Variants in MBD5 observed in about 807,000 individuals in gnomAD.
MBD5 encodes the protein methyl-CpG-binding domain protein 5.
Under a neutral mutation model 117.3 loss-of-function variants are expected in MBD5, and 13 were observed. The ratio of observed to expected loss-of-function variants is 0.11; its 90% CI spans 0.07 to 0.18. MBD5 has a LOEUF of 0.18. Ranked by LOEUF, MBD5 falls within the 10% of genes least tolerant of loss-of-function variation. The pLI, the probability that MBD5 is intolerant of heterozygous loss-of-function variation, is 1.00. For missense variants in MBD5, 1,879 were observed against 2,093.8 expected (o/e 0.90, Z 2.00); for synonymous variants, 727 against 766.4 (o/e 0.95, Z 0.85).
intron 4 of MBD5, among the ~76,000 whole-genome samples, chr2:148,367,130 A>G (rs1703724140): frequency 6.6e-6 from 1 of 152,328 alleles, no homozygotes; most frequent in East Asian, 1.9e-4. Flanking sequence ...CAAAACAGAT[A>G]TATAGACCAA....
At chr2:148,321,757 C>T (rs1702287503) in intron 3 of MBD5, among the ~76,000 whole-genome samples, 1 of 151,782 alleles carries the variant, frequency 6.6e-6, no homozygotes, top group African/African-American at 2.4e-5. Flanking sequence ...ATTAAAATCC[C>T]AACTCTTTTT....
At chr2:148,203,691 T>G (rs1699200475) in intron 2 of MBD5, among the ~76,000 whole-genome samples, 3 of 152,214 alleles carry the variant, frequency 2.0e-5, no homozygotes. Flanking sequence ...GAGGATGGCT[T>G]GTCTGTGGAT....
chr2:148,171,789 A>C (rs1698270404), intron 1 of MBD5, among the ~76,000 whole-genome samples: 1 of 152,254 alleles, frequency 6.6e-6, no homozygotes, highest in African/African-American at 2.4e-5. Flanking sequence ...AAAAATCAAC[A>C]TACAAAAATC....
At chr2:148,115,018 C>A (rs1233773125) in intron 1 of MBD5, among the ~76,000 whole-genome samples, 1 of 151,970 alleles carries the variant, frequency 6.6e-6, no homozygotes, top group African/African-American at 2.4e-5. Context: ...TCTGCATATA[C>A]ATACATATAT....
At chr2:148,165,821 G>A (rs1239794671) in intron 1 of MBD5, among the ~76,000 whole-genome samples, 4 of 152,096 alleles carry the variant, frequency 2.6e-5, no homozygotes, top group African/African-American at 7.2e-5. Context: ...GTTTTAAGTA[G>A]TATTTGAGAC....
intron 3 of MBD5, among the ~76,000 whole-genome samples, chr2:148,284,853 A>G (rs184365999): frequency 3.3e-5 from 5 of 152,338 alleles, no homozygotes; most frequent in Middle Eastern, 3.4e-3. Flanking sequence ...AATAGTAAAT[A>G]TATTTTTAAT....
At chr2:148,043,431 C>T (rs1218172687) in intron 1 of MBD5, among the ~76,000 whole-genome samples, 2 of 143,710 alleles carry the variant, frequency 1.4e-5, no homozygotes, top group Non-Finnish European at 3.0e-5. Context: ...CCTGTCTGGG[C>T]GACAGAGCGA....
At chr2:148,157,708 G>A (rs1279625628) in intron 1 of MBD5, among the ~76,000 whole-genome samples, 1 of 152,142 alleles carries the variant, frequency 6.6e-6, no homozygotes, top group Non-Finnish European at 1.5e-5. Flanking sequence ...GAAGAACTAG[G>A]ATATATTAAA....
chr2:148,159,605 A>C (rs1384057153), intron 1 of MBD5, among the ~76,000 whole-genome samples: 4 of 152,152 alleles, frequency 2.6e-5, no homozygotes, highest in African/African-American at 9.7e-5. Context: ...TTTCTCAATT[A>C]GAAGTATATA....
intron 1 of MBD5, among the ~76,000 whole-genome samples, chr2:148,171,462 A>G (rs1328838531): frequency 1.3e-5 from 2 of 152,232 alleles, no homozygotes; most frequent in African/African-American, 2.4e-5. Context: ...CAAATTAGGT[A>G]TAGAAGGAAC....
intron 4 of MBD5, among the ~76,000 whole-genome samples, chr2:148,404,882 TAA>T (rs546325990): frequency 1.2e-4 from 19 of 152,320 alleles, no homozygotes; most frequent in African/African-American, 2.9e-4. Flanking sequence ...CACTTTGATA[TAA>T]GTTTGAAATT....
chr2:148,361,988 A>C (rs1246787289), intron 4 of MBD5, among the ~76,000 whole-genome samples: 1 of 152,208 alleles, frequency 6.6e-6, no homozygotes, highest in African/African-American at 2.4e-5. Context: ...GGTCTTTGCA[A>C]CTGCAGATCA....
intron 3 of MBD5, among the ~76,000 whole-genome samples, chr2:148,290,433 T>C (rs1446874795): frequency 6.6e-6 from 1 of 152,074 alleles, no homozygotes; most frequent in East Asian, 1.9e-4. Context: ...TAGAGCAGTT[T>C]AAAGTACTGA....
At chr2:148,169,977 A>G (rs1698225207) in intron 1 of MBD5, among the ~76,000 whole-genome samples, 1 of 151,166 alleles carries the variant, frequency 6.6e-6, no homozygotes, top group African/African-American at 2.4e-5. Flanking sequence ...GGCTCACTGC[A>G]AGCTCCGCCT....
intron 3 of MBD5, among the ~76,000 whole-genome samples, chr2:148,282,122 C>G (rs897075144): frequency 6.6e-6 from 1 of 152,064 alleles, no homozygotes; most frequent in African/African-American, 2.4e-5. Context: ...ATATCTTATA[C>G]TTTATCCGTA....
rs1424976017 is a variant in MBD5, at chr2:148,515,620, G to T, written c.*2679G>T. 1 of 152,086 alleles carries T rather than the reference G, an allele frequency of 6.6e-6. No individual in the cohort carries two copies. Among genetic ancestry groups the T allele is most frequent in the Non-Finnish European group, 1.5e-5 (1 of 68,006 alleles). The allele number at this position is 152,086 out of a possible 1,614,324, so 9.4% of individuals were successfully genotyped here. A position where few individuals can be genotyped will look rare whatever the true frequency, so the allele number is the denominator to read the frequency against. ...AGCCAATTCATTTTTTTAAATGAAG[G>T]CTAGGCCTTCTATGTTACCAAAATT... is the stretch of plus-strand genomic sequence containing the variant. On this transcript the variant is annotated 3_prime_UTR_variant, in exon 14 of 14. Transcript: ENST00000642680.
chr2:148,189,294 T>C (rs1698767531), intron 2 of MBD5, among the ~76,000 whole-genome samples: 1 of 150,464 alleles, frequency 6.6e-6, no homozygotes, highest in African/African-American at 2.5e-5. Flanking sequence ...AGGCTCCACC[T>C]CTGGGGGCAG....
chr2:148,491,195 A>G (rs1681514314), intron 11 of MBD5, among the ~76,000 whole-genome samples: 1 of 151,124 alleles, frequency 6.6e-6, no homozygotes, highest in Non-Finnish European at 1.5e-5. Context: ...TTAACCTCAT[A>G]GTCTGGTTCT....
At chr2:148,329,074 A>C (rs1350462540) in intron 3 of MBD5, among the ~76,000 whole-genome samples, 1 of 152,210 alleles carries the variant, frequency 6.6e-6, no homozygotes, top group African/African-American at 2.4e-5. Context: ...AGGTAATGAT[A>C]ATAGAGGGTG....
Sources: allele counts gnomAD v4.1 joint callset (sites outside exome capture counted in the v4.1 genomes callset), GRCh38; gene constraint gnomAD v4.1.1; transcripts MANE v1.5; gene names NCBI Gene and HGNC (gene_info 2026-07-23, HGNC 2026-07-21).